The following PTGR3 variants were observed in gnomAD, a reference collection of about 807,000 sequenced individuals.
The protein encoded by PTGR3 is prostaglandin reductase 3.
the PTGR3 span, chr18:75,201,238 T>G: frequency 3.4e-6 from 2 of 592,326 alleles, no homozygotes; most frequent in Non-Finnish European, 5.7e-6. Flanking sequence ...ACATTTTTTT[T>G]TTTCCCCCAA....
chr18:75,198,070 A>G, the PTGR3 span: 6 of 152,214 alleles, frequency 3.9e-5, no homozygotes, highest in African/African-American at 1.4e-4. Context: ...TAGTAAATTC[A>G]TGCTAATTGA....
At chr18:75,199,277 C>T in the PTGR3 span, 1 of 152,564 alleles carries the variant, frequency 6.6e-6, no homozygotes, top group Non-Finnish European at 1.5e-5. Flanking sequence ...TTATTACCCT[C>T]CCATTAAAAT....
At chr18:75,201,486 T>C in the PTGR3 span, 1 of 1,614,206 alleles carries the variant, frequency 6.2e-7, no homozygotes, top group Non-Finnish European at 8.5e-7. Flanking sequence ...CATGTACATA[T>C]AATTGACAGC....
the PTGR3 span, chr18:75,202,374 T>C: frequency 3.2e-6 from 5 of 1,578,582 alleles, no homozygotes; most frequent in Admixed American, 7.0e-5. Context: ...TATGTTACGA[T>C]GGGTTTTTTG....
chr18:75,200,635 C>G, the PTGR3 span: 1 of 152,126 alleles, frequency 6.6e-6, no homozygotes, highest in African/African-American at 2.4e-5. Context: ...ACACTTTTCT[C>G]TTTCCTGTGC....
chr18:75,202,114 C>G, the PTGR3 span: 1 of 1,614,102 alleles, frequency 6.2e-7, no homozygotes, highest in Middle Eastern at 1.6e-4. Context: ...TCGGGTTTCA[C>G]TGAGGGCACT....
the PTGR3 span, chr18:75,199,048 T>C: frequency 5.9e-5 from 9 of 152,684 alleles, no homozygotes; most frequent in Admixed American, 5.9e-4. Context: ...GCGGAATCTT[T>C]CATGCTTGTT....
chr18:75,205,396 CTG>C, the PTGR3 span: 3 of 984,504 alleles, frequency 3.0e-6, no homozygotes, highest in South Asian at 4.7e-5. Flanking sequence ...TTAATTGAAA[CTG>C]TGTGCATGCA....
At chr18:75,206,358 C>T in the PTGR3 span, among the ~76,000 whole-genome samples, 34 of 152,086 alleles carry the variant, frequency 2.2e-4, no homozygotes, top group African/African-American at 8.0e-4. Context: ...CAATTAAAAC[C>T]ACCAAACATC....
chr18:75,204,192 C>T, the PTGR3 span, among the ~76,000 whole-genome samples: 1 of 152,256 alleles, frequency 6.6e-6, no homozygotes, highest in Non-Finnish European at 1.5e-5. Context: ...CCCTCTGCGA[C>T]GGCAGTCCTC....
At chr18:75,203,395 G>T in the PTGR3 span, among the ~76,000 whole-genome samples, 1 of 152,192 alleles carries the variant, frequency 6.6e-6, no homozygotes, top group African/African-American at 2.4e-5. Context: ...AAGCCGTTAA[G>T]CAGGTCATTT....
At chr18:75,207,589 T>C in the PTGR3 span, among the ~76,000 whole-genome samples, 1 of 152,094 alleles carries the variant, frequency 6.6e-6, no homozygotes, top group African/African-American at 2.4e-5. Context: ...ACACTCCCCT[T>C]TAAGCCATTC....
the PTGR3 span, among the ~76,000 whole-genome samples, chr18:75,206,499 A>C: frequency 4.6e-5 from 7 of 152,358 alleles, no homozygotes; most frequent in East Asian, 1.3e-3. Flanking sequence ...CTAGGATTAA[A>C]ATGAACTAAC....
chr18:75,208,545 T>G, the PTGR3 span: 7 of 1,072,884 alleles, frequency 6.5e-6, no homozygotes, highest in East Asian at 6.0e-5. Context: ...GTCGGTTTTA[T>G]TTCGGGAGCG....
chr18:75,207,658 C>T, the PTGR3 span, among the ~76,000 whole-genome samples: 2 of 150,914 alleles, frequency 1.3e-5, no homozygotes, highest in Non-Finnish European at 3.0e-5. Context: ...ATCATTCTTC[C>T]CAAAAGGTTT....
the PTGR3 span, chr18:75,202,087 C>G: frequency 6.2e-7 from 1 of 1,613,980 alleles, no homozygotes; most frequent in Non-Finnish European, 8.5e-7. Flanking sequence ...GTGCCACTTA[C>G]CAGCAGGGTA....
the PTGR3 span, chr18:75,201,417 T>C: frequency 1.6e-5 from 25 of 1,603,934 alleles, no homozygotes; most frequent in African/African-American, 2.0e-4. Context: ...GTTCTGTTTT[T>C]ACAGCTTACT....
chr18:75,204,027 C>A, the PTGR3 span, among the ~76,000 whole-genome samples: 1 of 152,346 alleles, frequency 6.6e-6, no homozygotes, highest in Admixed American at 6.5e-5. Context: ...CGACCCACTG[C>A]CAGTTGTGTT....
chr18:75,208,486 T>C, the PTGR3 span: 2 of 1,030,302 alleles, frequency 1.9e-6, no homozygotes, highest in Non-Finnish European at 2.3e-6. Context: ...ACGCAGGAAC[T>C]GTGGGTGCGC....
Sources: gnomAD v4.1 joint callset for allele counts (sites outside exome capture counted in the v4.1 genomes callset) on GRCh38, gnomAD v4.1.1 for gene constraint, MANE v1.5 for transcripts, NCBI Gene and HGNC (gene_info 2026-07-23, HGNC 2026-07-21) for gene names.